The following SECISBP2L variants were observed in gnomAD, a reference collection of about 807,000 sequenced individuals.
The protein encoded by SECISBP2L is SECIS binding protein 2 like, also known as selenocysteine insertion sequence-binding protein 2-like.
A neutral mutation model predicts 114.7 loss-of-function variants in SECISBP2L; 43 were observed. The ratio of observed to expected loss-of-function variants is 0.38; its 90% CI spans 0.29 to 0.48. The LOEUF (loss-of-function observed/expected upper bound fraction) is 0.48. SECISBP2L is among the 20% of genes least tolerant of loss of function. The probability of loss-of-function intolerance (pLI) is 0.98; values close to 1 mark genes in which losing one functional copy is unlikely to be tolerated. For synonymous variants in SECISBP2L, 451 were observed against 439.7 expected, an observed-to-expected ratio of 1.03 and a Z score of -0.32; for missense variants, 1,136 against 1,301.1, an observed-to-expected ratio of 0.87 and a Z score of 1.95.
At chr15:49,032,326 A>G (rs1042459023) in intron 4 of SECISBP2L, among the ~76,000 whole-genome samples, 1 of 152,206 alleles carries the variant, frequency 6.6e-6, no homozygotes, top group Admixed American at 6.5e-5. Context: ...CTGTACTGAG[A>G]TCAAAGATAC....
At chr15:49,001,415 T>A (rs535131139) in intron 14 of SECISBP2L, among the ~76,000 whole-genome samples, 2 of 152,192 alleles carry the variant, frequency 1.3e-5, no homozygotes, top group South Asian at 4.2e-4. Context: ...CTCAAAAATA[T>A]CTGATAAATT....
chr15:49,037,900 C>A, intron 1 of SECISBP2L, 131 bp from the exon 2 acceptor site: 1 of 577,702 alleles, frequency 1.7e-6, no homozygotes, highest in Non-Finnish European at 2.7e-6. Flanking sequence ...ATAAAACATC[C>A]AAAAGGAAGA....
Position 49,035,641 on chromosome 15 carries a change from T to C in SECISBP2L, c.221A>G (p.Asn74Ser), listed in dbSNP as rs980541969. The C allele has an allele frequency of 1.2e-6, 2 of 1,608,246 alleles. No individual in the cohort carries two copies. The highest frequency in any genetic ancestry group is 1.3e-5 in the African/African-American group (1 of 74,742). ...NQSNRQFPLY[N>S]NDIRWQQPNP... is the part of the protein sequence containing the mutation. ...GGGTTGTTGCCATCGTATATCATTG[T>C]TATATAAAGGAAACTGTCTGCAAAA... Residue 74 changes from asparagine to serine, a missense_variant, in exon 3 of 18, where the codon AAC becomes AGC. Asn to Ser is a conservative substitution (Grantham distance 46). This residue lies in a region of SECISBP2L where 452 missense variants were observed against 452.3 expected (regional missense o/e 1.00). Transcript: ENST00000559471.
Position 49,016,553 on chromosome 15 carries a change from A to C in SECISBP2L, c.1561+7T>G, listed in dbSNP as rs763771191. The C allele has an allele frequency of 6.3e-7, 1 of 1,587,510 alleles. No homozygotes were observed. Among genetic ancestry groups the C allele is most frequent in the African/African-American group, 1.4e-5 (1 of 73,560 alleles). ...AAACAGCAAATTGCTCAGACTAATG[A>C]TATCACCTGTATATGACAGAGGTCT... On this transcript the variant is annotated splice_region_variant and intron_variant, in intron 11 of 17. Transcript: ENST00000559471.
rs377620350 is a variant in SECISBP2L, at chr15:48,992,565, A to C, written c.2985T>G (p.Asp995Glu). The C allele has an allele frequency of 7.4e-6, 12 of 1,613,652 alleles. No individual in the cohort carries two copies. Among genetic ancestry groups the C allele is most frequent in the Admixed American group, 3.3e-5 (2 of 59,944 alleles). Residue 995 changes from aspartate to glutamate, a missense_variant, in exon 18 of 18, where the codon GAT becomes GAG. Physicochemically the swap from Asp to Glu is conservative, Grantham distance 45. Transcript: ENST00000559471. ...PGMLEEEEDE[D>E]EEEEEDYTHE... ...GAGTATAATCTTCCTCCTCCTCCTCATCTTCATCTTCTTCTTCTTCAAGCA... is the reference window on the plus strand; with the variant it reads ...GAGTATAATCTTCCTCCTCCTCCTCCTCTTCATCTTCTTCTTCTTCAAGCA...
In SECISBP2L at chr15:49,012,768, A is replaced by G; in HGVS notation, c.1611T>C (p.Pro537=). The change falls in exon 12 of 18, where the codon CCT becomes CCC. Residue 537 remains proline, a synonymous_variant. Transcript: ENST00000559471. ...TCAAACAGGGCTGACTTTTGGTTAA[A>G]GGTTTTCTATTAGTAGAGTCTTTAG... ...FHTKDSTNRK[P]LTKSQPCLTS... is the part of the protein sequence containing the mutation. 6.2e-7 allele frequency: 1 copy of G among 1,613,952 alleles called. No individual in the cohort carries two copies. Among genetic ancestry groups the G allele is most frequent in the Non-Finnish European group, 8.5e-7 (1 of 1,179,922 alleles).
At chr15:49,010,460 A>T (rs1458388394) in intron 13 of SECISBP2L, among the ~76,000 whole-genome samples, 1 of 151,956 alleles carries the variant, frequency 6.6e-6, no homozygotes, top group Non-Finnish European at 1.5e-5. Context: ...TTGTATTTGT[A>T]TATCTAGTCC....
At chr15:49,040,617 G>A (rs890357909) in intron 1 of SECISBP2L, among the ~76,000 whole-genome samples, 3 of 127,512 alleles carry the variant, frequency 2.4e-5, no homozygotes, top group African/African-American at 8.6e-5. Context: ...CTCACTGCAA[G>A]CTCCGCCTCC....
chr15:49,000,977 T>C lies in SECISBP2L; in HGVS notation c.2148A>G (p.Arg716=). 1 of 1,613,930 alleles carries C rather than the reference T, an allele frequency of 6.2e-7. No individual in the cohort carries two copies. The highest frequency in any genetic ancestry group is 8.5e-7 in the Non-Finnish European group (1 of 1,179,898). Residue 716 remains arginine, a synonymous_variant, in exon 15 of 18, where the codon AGA becomes AGG. Coordinates refer to ENST00000559471, the MANE Select transcript of SECISBP2L (RefSeq NM_001193489.2). The part of the protein sequence containing the change: ...QKDPVRAKAR[R]RLVMGLREVT... The stretch of plus-strand genomic sequence containing the variant: ...CTTCTCTTAGACCCATAACGAGTCG[T>C]CTCCTTGCTTTTGCTCTTACAGGAT...
chr15:49,035,819 T>G (rs1392294343), intron 2 of SECISBP2L, among the ~76,000 whole-genome samples, 161 bp from the exon 3 acceptor site: 1 of 152,254 alleles, frequency 6.6e-6, no homozygotes, highest in Non-Finnish European at 1.5e-5. Flanking sequence ...TAAATTTCTT[T>G]GCTATAGAGA....
chr15:49,006,234 T>C (rs981849998), intron 14 of SECISBP2L, among the ~76,000 whole-genome samples: 9 of 152,178 alleles, frequency 5.9e-5, no homozygotes, highest in South Asian at 4.1e-4. Context: ...CTTGGGTTTG[T>C]TCTTCTCAAG....
rs1158360176 is a variant in SECISBP2L at position 48,989,218 on chromosome 15, T to G, written c.*3026A>C. 3 of 152,374 alleles carry G rather than the reference T, an allele frequency of 2.0e-5. No homozygotes were observed. The highest frequency in any genetic ancestry group is 2.0e-4 in the Admixed American group (3 of 15,242). 9.4% of individuals were successfully genotyped at this position (152,374 alleles called of 1,614,324 possible). A position where few individuals can be genotyped will look rare whatever the true frequency, so the allele number is the denominator to read the frequency against. ...GTAACAATGTGTTAAGATTGAACAG[T>G]TTCATGTTAAAGAGTTGAAAATGAG... On this transcript the variant is annotated 3_prime_UTR_variant, in exon 18 of 18. Transcript: ENST00000559471.
At chr15:48,999,455 T>C (rs940493035) in intron 16 of SECISBP2L, among the ~76,000 whole-genome samples, 2 of 152,172 alleles carry the variant, frequency 1.3e-5, no homozygotes, top group African/African-American at 4.8e-5. Flanking sequence ...ATTAAAGGAT[T>C]CTTTTGTCTC....
intron 2 of SECISBP2L, 48 bp downstream of exon 2, chr15:49,037,543 C>T: frequency 6.4e-7 from 1 of 1,557,890 alleles, no homozygotes; most frequent in Non-Finnish European, 8.7e-7. Flanking sequence ...ACTTTGCCAG[C>T]TTTTATAGCC....
At chr15:49,036,980 A>C (rs1016448943) in intron 2 of SECISBP2L, among the ~76,000 whole-genome samples, 2 of 152,192 alleles carry the variant, frequency 1.3e-5, no homozygotes, top group African/African-American at 4.8e-5. Flanking sequence ...CAGCCATAAA[A>C]TAAACTATAC....
chr15:49,035,686 A>C (rs769110333), intron 2 of SECISBP2L, 28 bp from the exon 3 acceptor site: 8 of 1,572,882 alleles, frequency 5.1e-6, no homozygotes, highest in South Asian at 1.2e-5. Flanking sequence ...AGAAGAACAA[A>C]TCTATTGACA....
intron 8 of SECISBP2L, 67 bp from the exon 9 acceptor site, chr15:49,017,695 G>A: frequency 9.4e-7 from 1 of 1,063,650 alleles, no homozygotes; most frequent in Non-Finnish European, 1.4e-6. Context: ...ATAATGCTTA[G>A]AAGTATTGAA....
intron 7 of SECISBP2L, among the ~76,000 whole-genome samples, chr15:49,025,502 T>C (rs1902723239): frequency 6.6e-6 from 1 of 152,186 alleles, no homozygotes; most frequent in Non-Finnish European, 1.5e-5. Context: ...AACAAAGTTG[T>C]GTTAAGTACT....
intron 14 of SECISBP2L, among the ~76,000 whole-genome samples, chr15:49,004,353 C>G (rs1352667659): frequency 1.3e-5 from 2 of 152,114 alleles, no homozygotes; most frequent in African/African-American, 4.8e-5. Flanking sequence ...GGCTAGCAGT[C>G]TATTTTGTTA....
Sources: allele counts gnomAD v4.1 joint callset (sites outside exome capture counted in the v4.1 genomes callset), GRCh38; gene constraint gnomAD v4.1.1; regional missense constraint gnomAD v4.1.1; transcripts MANE v1.5; gene names NCBI Gene and HGNC (gene_info 2026-07-23, HGNC 2026-07-21).